ZGLP1: variants seen among roughly 807,000 people sequenced by gnomAD.
The protein encoded by ZGLP1 is zinc finger GATA like protein 1, also known as GATA-type zinc finger protein 1.
Under a neutral mutation model 21.4 loss-of-function variants are expected in ZGLP1, and 11 were observed. The observed-to-expected ratio is 0.51, with a 90% confidence interval of 0.32 to 0.85. The LOEUF (loss-of-function observed/expected upper bound fraction) is 0.85. Among genes scored for constraint, ZGLP1 ranks in the 40% least tolerant of loss-of-function variants. The pLI is 0.03. For synonymous variants in ZGLP1, 148 were observed against 145.0 expected (o/e 1.02, Z -0.15); for missense variants, 295 against 355.6 (o/e 0.83, Z 1.37).
exon 1 of ZGLP1, chr19:10,308,591 T>C (rs1396969958): frequency 1.9e-6 from 3 of 1,576,554 alleles, no homozygotes; most frequent in Middle Eastern, 1.7e-4. Context: ...CTTGGGTGAC[T>C]CCTGGGTTTA....
Position 10,306,332 on chromosome 19 carries a change from C to A in ZGLP1, c.498-380G>T, listed in dbSNP as rs543256831. On this transcript the variant is annotated intron_variant, in intron 1 of 3. Coordinates refer to ENST00000403903, the Ensembl canonical transcript of ZGLP1. ...TTCACCATGTTGGCCAGGCTGGTCT[C>A]GAACTCCTGACCTCAAGTGATCCAC... Among the ~76,000 whole-genome samples, 3 of 151,996 alleles carry A rather than the reference C, an allele frequency of 2.0e-5. No individual in the cohort carries two copies. In the East Asian group the frequency reaches 5.8e-4, roughly 29 times the overall value.
Position 10,305,555 on chromosome 19 carries a change from G to A in ZGLP1, c.605-72C>T, listed in dbSNP as rs138678961. ...GAGCTCGGGATGCCTGTGCGGAGTC[G>A]GGCATTTTGTGGGGGTCTCAGTAAA... On this transcript the variant is annotated intron_variant, in intron 2 of 3. Coordinates refer to ENST00000403903, the Ensembl canonical transcript of ZGLP1. The surrounding 1 kb of genome is among the most constrained non-coding windows in gnomAD (Gnocchi z 4.7). 2.0e-5 allele frequency: 27 copies of A among 1,382,358 alleles called. No individual in the cohort carries two copies. Among genetic ancestry groups the A allele is most frequent in the Admixed American group, 4.0e-5 (2 of 50,122 alleles). The allele number at this position is 1,382,358 out of a possible 1,614,324, so 85.6% of individuals were successfully genotyped here. A position where few individuals can be genotyped will look rare whatever the true frequency, so the allele number is the denominator to read the frequency against.
At chr19:10,304,943 G>A (rs1015219644) in exon 4 of ZGLP1, 2 of 667,852 alleles carry the variant, frequency 3.0e-6, no homozygotes, top group Admixed American at 2.9e-5. Context: ...CTGAGGCCTG[G>A]GTCTTCCCCC....
chr19:10,308,662 C>A (rs1265437430), exon 1 of ZGLP1: 1 of 1,499,252 alleles, frequency 6.7e-7, no homozygotes, highest in Non-Finnish European at 8.9e-7. Context: ...GGCTACACAC[C>A]CCACCTGAGG....
At chr19:10,308,732 C>T (rs1178644965) in exon 1 of ZGLP1, 9 of 1,421,794 alleles carry the variant, frequency 6.3e-6, no homozygotes, top group African/African-American at 2.8e-5. Context: ...CAACTCACCT[C>T]GCCCACTGTG....
chr19:10,304,806 C>A (rs1054545448), exon 4 of ZGLP1: 2 of 405,302 alleles, frequency 4.9e-6, no homozygotes, highest in Non-Finnish European at 8.8e-6. Context: ...CTTTTTCTCT[C>A]GGCATATCTC....
chr19:10,308,697 G>T, exon 1 of ZGLP1: 1 of 1,485,422 alleles, frequency 6.7e-7, no homozygotes. Context: ...ACTCTGGGTG[G>T]AAGGTTTAAG....
Position 10,305,143 on chromosome 19 carries a change from T to C in ZGLP1, c.764A>G (p.Lys255Arg), listed in dbSNP as rs747622128. 6.2e-6 allele frequency: 10 copies of C among 1,613,876 alleles called. No individual in the cohort carries two copies. The highest frequency in any genetic ancestry group is 1.3e-5 in the African/African-American group (1 of 74,928). The change falls in exon 4 of 4, where the codon AAG becomes AGG. Residue 255 changes from lysine (K) to arginine (R), a missense_variant. Lys to Arg is a conservative substitution (Grantham distance 26, BLOSUM62 2). Around this residue, in one of 2 missense-constraint regions of ZGLP1, gnomAD observed 43 missense variants for 91.7 expected, o/e 0.47. Transcript: ENST00000403903. This position sits in a 1 kb window ranked among gnomAD's most constrained non-coding sequence, Gnocchi z 4.7. Reference sequence around the variant, plus strand: ...CACTCCACATCTGCCACATAGCCTCTTGGGCTGGACATTTTTCCTGGGCAC... The same window carrying C: ...CACTCCACATCTGCCACATAGCCTCCTGGGCTGGACATTTTTCCTGGGCAC...
exon 1 of ZGLP1, chr19:10,308,431 G>A (rs753865802): frequency 3.1e-6 from 5 of 1,609,184 alleles, no homozygotes; most frequent in East Asian, 4.5e-5. Context: ...CAGAGCCATC[G>A]GGTCCCAGCA....
intron 1 of ZGLP1, among the ~76,000 whole-genome samples, chr19:10,306,656 A>G (rs1412744152): frequency 6.6e-6 from 1 of 152,052 alleles, no homozygotes; most frequent in Non-Finnish European, 1.5e-5. Flanking sequence ...CGTCTCTACA[A>G]ACAAAAAAAA....
rs2040274622 is a variant in ZGLP1, at chr19:10,305,582, GC to G, written c.605-100del. 2.0e-6 allele frequency: 2 copies of G among 1,022,740 alleles called. No individual in the cohort carries two copies. The highest frequency in any genetic ancestry group is 1.5e-6 in the Non-Finnish European group (1 of 676,732). 63.4% of individuals were successfully genotyped at this position (1,022,740 alleles called of 1,614,324 possible). A position where few individuals can be genotyped will look rare whatever the true frequency, so the allele number is the denominator to read the frequency against. ...GCATTTTGTGGGGGTCTCAGTAAAG[GC>G]CCCACCTAGCTCTGGATCAGCCCTG... On this transcript the variant is annotated intron_variant, in intron 2 of 3. Transcript: ENST00000403903. The surrounding 1 kb of genome is among the most constrained non-coding windows in gnomAD (Gnocchi z 4.7).
rs553712839 is a variant in ZGLP1 at position 10,305,692 on chromosome 19, G to T, written c.604+154C>A. On this transcript the variant is annotated intron_variant, in intron 2 of 3. Coordinates refer to ENST00000403903, the Ensembl canonical transcript of ZGLP1. The surrounding 1 kb of genome is among the most constrained non-coding windows in gnomAD (Gnocchi z 4.7). ...GCAGAGGAGGAAGCTGGGGGTGGGGGTGACTCAGCCCAAGTGGAGGGGGGT... is the reference window on the plus strand; with the variant it reads ...GCAGAGGAGGAAGCTGGGGGTGGGGTTGACTCAGCCCAAGTGGAGGGGGGT... 1.7e-5 allele frequency: 13 copies of T among 750,038 alleles called. No homozygotes were observed. The highest frequency in any genetic ancestry group is 1.0e-4 in the African/African-American group (6 of 57,908). The allele number at this position is 750,038 out of a possible 1,614,324, so 46.5% of individuals were successfully genotyped here.
chr19:10,305,657 G>A lies in ZGLP1; in HGVS notation c.605-174C>T. ...GCAAAGCCAGGAAGGGAGACAGATG[G>A]CAGCATTCCGCAGAGGAGGAAGCTG... On this transcript the variant is annotated intron_variant, in intron 2 of 3. Transcript: ENST00000403903. The surrounding 1 kb of genome is among the most constrained non-coding windows in gnomAD (Gnocchi z 4.7). 1.4e-6 allele frequency: 1 copy of A among 732,604 alleles called. No homozygotes were observed. The highest frequency in any genetic ancestry group is 2.3e-6 in the Non-Finnish European group (1 of 432,652). 45.4% of individuals were successfully genotyped at this position (732,604 alleles called of 1,614,324 possible). A position where few individuals can be genotyped will look rare whatever the true frequency, so the allele number is the denominator to read the frequency against.
At chr19:10,308,302 G>C (rs773313741) in exon 1 of ZGLP1, 2 of 1,611,654 alleles carry the variant, frequency 1.2e-6, no homozygotes, top group East Asian at 4.5e-5. Context: ...CTGTTTCCGG[G>C]GCCTTCTCTG....
At chr19:10,308,689 T>C in exon 1 of ZGLP1, 1 of 1,487,088 alleles carries the variant, frequency 6.7e-7, no homozygotes, top group Non-Finnish European at 9.0e-7. Context: ...CATTTCTAAC[T>C]CTGGGTGGAA....
At chr19:10,309,270 G>A (rs1045775121) in exon 1 of ZGLP1, 1 of 152,748 alleles carries the variant, frequency 6.5e-6, no homozygotes, top group Non-Finnish European at 1.5e-5. Context: ...CCAGCAAAGA[G>A]AGGTCATGAC....
Position 10,305,387 on chromosome 19 carries a change from G to T in ZGLP1, c.698+3C>A. ...CCCCAACTCCCTCCTCCATTCTAAG[G>T]ACCTGATCCCACAGGCGTTGCAGAG... On this transcript the variant is annotated splice_donor_region_variant and intron_variant, in intron 3 of 3. Coordinates refer to ENST00000403903, the Ensembl canonical transcript of ZGLP1. The surrounding 1 kb of genome is among the most constrained non-coding windows in gnomAD (Gnocchi z 4.7). 6.3e-7 allele frequency: 1 copy of T among 1,587,554 alleles called. No individual in the cohort carries two copies. Among genetic ancestry groups the T allele is most frequent in the Non-Finnish European group, 8.6e-7 (1 of 1,166,894 alleles).
rs2040274737 is a variant in ZGLP1, at chr19:10,305,613, T to C, written c.605-130A>G. On this transcript the variant is annotated intron_variant, in intron 2 of 3. Coordinates refer to ENST00000403903, the Ensembl canonical transcript of ZGLP1. This position sits in a 1 kb window ranked among gnomAD's most constrained non-coding sequence, Gnocchi z 4.7. ...CCTAGCTCTGGATCAGCCCTGGGAG[T>C]TGCCAGCTCTAAGCCACAGCAAAGC... 4.8e-6 allele frequency: 4 copies of C among 838,554 alleles called. No homozygotes were observed. The South Asian group carries it at 6.3e-5, about 13-fold the overall frequency. The allele number at this position is 838,554 out of a possible 1,614,324, so 51.9% of individuals were successfully genotyped here.
exon 1 of ZGLP1, chr19:10,308,847 C>T: frequency 2.0e-6 from 1 of 504,436 alleles, no homozygotes; most frequent in Non-Finnish European, 3.2e-6. Context: ...GATATCAAGC[C>T]TCTGGCTGCA....
Sources: allele counts gnomAD v4.1 joint callset (sites outside exome capture counted in the v4.1 genomes callset), GRCh38; gene constraint gnomAD v4.1.1; regional missense constraint gnomAD v4.1.1; non-coding constraint Gnocchi (gnomAD v3.1); transcripts MANE v1.5; gene names NCBI Gene and HGNC (gene_info 2026-07-23, HGNC 2026-07-21).